EPB41L4A: variants seen among roughly 807,000 people sequenced by gnomAD.
EPB41L4A encodes the protein band 4.1-like protein 4A.
A neutral mutation model predicts 108.6 loss-of-function variants in EPB41L4A; 100 were observed. The ratio of observed to expected loss-of-function variants is 0.92; its 90% CI spans 0.78 to 1.09. The LOEUF is 1.09. EPB41L4A is among the 50% of genes least tolerant of loss of function. EPB41L4A has a pLI of 0.00. For missense variants in EPB41L4A, 1,030 were observed against 842.7 expected, an observed-to-expected ratio of 1.22 and a Z score of -2.75; for synonymous variants, 319 against 289.0, an observed-to-expected ratio of 1.10 and a Z score of -1.05.
chr5:112,419,289 G>A (rs1762929102), upstream of EPB41L4A: 1 of 375,230 alleles, frequency 2.7e-6, no homozygotes, highest in East Asian at 5.9e-5. Flanking sequence ...GGCGCGGAGG[G>A]CGGTGGCGCG....
rs894170379 is a variant in EPB41L4A at position 112,273,690 on chromosome 5, G to A, written c.335+1636C>T. Among the ~76,000 whole-genome samples the A allele has an allele frequency of 3.3e-5, 5 of 152,208 alleles. No homozygotes were observed. The South Asian group carries it at 1.0e-3, about 32-fold the overall frequency. ...TACAACTGAGGACACTTAGGCACAG[G>A]CAGAGATTACTCACAACCTGAATAT... On this transcript the variant is annotated intron_variant, in intron 4 of 22. Transcript: ENST00000261486.
intron 11 of EPB41L4A, among the ~76,000 whole-genome samples, chr5:112,237,133 G>C (rs1158606884): frequency 1.3e-5 from 2 of 152,168 alleles, no homozygotes; most frequent in African/African-American, 4.8e-5. Flanking sequence ...TAAAGGCAAG[G>C]TTAATTTGTA....
intron 1 of EPB41L4A, among the ~76,000 whole-genome samples, chr5:112,394,001 T>G (rs1424413804): frequency 3.3e-5 from 5 of 152,084 alleles, no homozygotes; most frequent in Non-Finnish European, 7.4e-5. Context: ...CATGATTATC[T>G]CAACAGATGC....
chr5:112,315,109 C>T (rs537463330), intron 1 of EPB41L4A, among the ~76,000 whole-genome samples: 9 of 152,234 alleles, frequency 5.9e-5, no homozygotes, highest in African/African-American at 1.7e-4. Context: ...GATATCTTTC[C>T]TGCTCTATGT....
At chr5:112,282,744 G>C (rs1389881280) in intron 2 of EPB41L4A, among the ~76,000 whole-genome samples, 1 of 152,182 alleles carries the variant, frequency 6.6e-6, no homozygotes, top group Non-Finnish European at 1.5e-5. Context: ...ATATGTGCTT[G>C]TGGCAAGAAG....
At chr5:112,257,524 A>G (rs1227081151) in intron 9 of EPB41L4A, among the ~76,000 whole-genome samples, 1 of 152,148 alleles carries the variant, frequency 6.6e-6, no homozygotes, top group Non-Finnish European at 1.5e-5. Flanking sequence ...TAACATGATG[A>G]TATCAATTTT....
intron 2 of EPB41L4A, among the ~76,000 whole-genome samples, chr5:112,283,275 G>T (rs1344964801): frequency 1.3e-5 from 2 of 152,134 alleles, no homozygotes; most frequent in Admixed American, 1.3e-4. Context: ...GATCAAAATG[G>T]AAACCAGGGG....
chr5:112,254,748 A>G (rs1561514857), intron 9 of EPB41L4A, among the ~76,000 whole-genome samples: 2 of 151,912 alleles, frequency 1.3e-5, no homozygotes, highest in African/African-American at 2.4e-5. Context: ...TTATCTCTGT[A>G]TATCTCAGTC....
intron 1 of EPB41L4A, among the ~76,000 whole-genome samples, chr5:112,398,101 C>T (rs1197487273): frequency 6.6e-6 from 1 of 152,150 alleles, no homozygotes; most frequent in Non-Finnish European, 1.5e-5. Context: ...GGCGAAAGCA[C>T]AGCATGTAGA....
chr5:112,400,275 C>T (rs996984224), intron 1 of EPB41L4A, among the ~76,000 whole-genome samples: 5 of 151,900 alleles, frequency 3.3e-5, no homozygotes, highest in Admixed American at 6.6e-5. Context: ...TGCGGAAAAC[C>T]GCCCCCATGA....
Position 112,286,038 on chromosome 5 carries a change from A to G in EPB41L4A, c.205-5715T>C, listed in dbSNP as rs993244383. Among the ~76,000 whole-genome samples, 3 of 152,092 alleles carry G rather than the reference A, an allele frequency of 2.0e-5. No homozygotes were observed. The East Asian group carries it at 5.8e-4, about 29-fold the overall frequency. ...AATATTGTCTGAGAAGTAATGCACAACTTAAATTTCAAGATTCTTACTCTC... is the reference window on the plus strand; with the variant it reads ...AATATTGTCTGAGAAGTAATGCACAGCTTAAATTTCAAGATTCTTACTCTC... On this transcript the variant is annotated intron_variant, in intron 2 of 22. Coordinates refer to ENST00000261486, the MANE Select transcript of EPB41L4A (RefSeq NM_022140.5).
intron 2 of EPB41L4A, among the ~76,000 whole-genome samples, chr5:112,281,507 G>A (rs188563665): frequency 1.3e-5 from 2 of 152,286 alleles, no homozygotes; most frequent in Admixed American, 1.3e-4. Flanking sequence ...GGCAGAGATG[G>A]AATCGCTCCC....
intron 3 of EPB41L4A, among the ~76,000 whole-genome samples, chr5:112,276,389 T>A (rs1354500082): frequency 6.6e-6 from 1 of 152,230 alleles, no homozygotes; most frequent in Non-Finnish European, 1.5e-5. Context: ...CACATTATAT[T>A]ATGCTTTTAC....
intron 12 of EPB41L4A, among the ~76,000 whole-genome samples, chr5:112,223,148 C>T (rs1389340005): frequency 6.6e-6 from 1 of 152,034 alleles, no homozygotes; most frequent in Non-Finnish European, 1.5e-5. Flanking sequence ...TCATGTTGGC[C>T]AGGCTGGTCT....
chr5:112,222,949 T>TG (rs991945632), intron 12 of EPB41L4A, among the ~76,000 whole-genome samples: 22 of 143,076 alleles, frequency 1.5e-4, no homozygotes, highest in Non-Finnish European at 2.5e-4. Flanking sequence ...CTAGTTTTTT[T>TG]TTTTTTTTTT....
intron 14 of EPB41L4A, 86 bp from the exon 15 acceptor site, chr5:112,204,574 C>T: frequency 1.3e-6 from 1 of 767,040 alleles, no homozygotes; most frequent in Admixed American, 1.9e-5. Context: ...CATAACTGCA[C>T]AGCTGGTACT....
At chr5:112,337,848 C>T (rs987174629) in intron 1 of EPB41L4A, among the ~76,000 whole-genome samples, 1 of 152,092 alleles carries the variant, frequency 6.6e-6, no homozygotes, top group African/African-American at 2.4e-5. Context: ...CAGATGGAAG[C>T]CTTTGGGCCA....
chr5:112,299,088 A>T (rs1181285026), intron 2 of EPB41L4A, among the ~76,000 whole-genome samples: 1 of 152,088 alleles, frequency 6.6e-6, no homozygotes, highest in Non-Finnish European at 1.5e-5. Context: ...TTATCTTTTC[A>T]AAGAACCAGC....
chr5:112,279,797 C>G (rs1240121270), intron 3 of EPB41L4A, among the ~76,000 whole-genome samples: 1 of 152,066 alleles, frequency 6.6e-6, no homozygotes, highest in African/African-American at 2.4e-5. Flanking sequence ...TGGTCTCTCT[C>G]TGAAGACCAC....
Sources: gnomAD v4.1 joint callset for allele counts (sites outside exome capture counted in the v4.1 genomes callset) on GRCh38, gnomAD v4.1.1 for gene constraint, MANE v1.5 for transcripts, NCBI Gene and HGNC (gene_info 2026-07-23, HGNC 2026-07-21) for gene names.